The following PEBP4 variants were observed in gnomAD, a reference collection of about 807,000 sequenced individuals.
The protein encoded by PEBP4 is phosphatidylethanolamine binding protein 4, also known as phosphatidylethanolamine-binding protein 4.
In PEBP4, 22 loss-of-function variants were observed where a neutral mutation model predicts 23.9. That is an observed-to-expected ratio of 0.92 (90% CI 0.66 to 1.31). The LOEUF (loss-of-function observed/expected upper bound fraction) is 1.31. Ranked by LOEUF, PEBP4 falls within the 40% of genes most tolerant of loss-of-function variation. The pLI is 0.00. For missense variants in PEBP4, 324 were observed against 281.7 expected (o/e 1.15, Z -1.07); for synonymous variants, 112 against 99.3 (o/e 1.13, Z -0.76).
chr8:22,853,938 T>C (rs1807593057), intron 3 of PEBP4, among the ~76,000 whole-genome samples: 1 of 152,120 alleles, frequency 6.6e-6, no homozygotes, highest in Admixed American at 6.5e-5. Context: ...TGGCCACAGA[T>C]CCTAGTTAGC....
intron 3 of PEBP4, among the ~76,000 whole-genome samples, chr8:22,889,405 C>T (rs182900286): frequency 1.6e-4 from 24 of 152,288 alleles, no homozygotes; most frequent in African/African-American, 2.9e-4. Context: ...GGGAGAGACC[C>T]CAGTCCCCTT....
At chr8:22,725,024 T>C in intron 5 of PEBP4, 68 bp from the exon 6 acceptor site, 1 of 1,353,800 alleles carries the variant, frequency 7.4e-7, no homozygotes, top group Non-Finnish European at 1.1e-6. Flanking sequence ...GCTCTCTGCC[T>C]TCCCATGGTC....
chr8:22,771,839 G>A (rs1034118489), intron 4 of PEBP4, among the ~76,000 whole-genome samples: 2 of 152,318 alleles, frequency 1.3e-5, no homozygotes, highest in African/African-American at 2.4e-5. Context: ...ACTTCTGTAC[G>A]AACTGCCCCT....
chr8:22,733,387 A>G (rs886936519), intron 4 of PEBP4, among the ~76,000 whole-genome samples: 1 of 152,182 alleles, frequency 6.6e-6, no homozygotes, highest in Non-Finnish European at 1.5e-5. Flanking sequence ...GAGGTCTTTC[A>G]TAGACTTGAG....
At chr8:22,873,355 A>T (rs1248658505) in intron 3 of PEBP4, among the ~76,000 whole-genome samples, 2 of 152,204 alleles carry the variant, frequency 1.3e-5, no homozygotes, top group African/African-American at 4.8e-5. Flanking sequence ...CTGGCCAGGC[A>T]CAGTGGCTCA....
At chr8:22,729,051 C>T (rs1804680800) in intron 4 of PEBP4, among the ~76,000 whole-genome samples, 1 of 152,188 alleles carries the variant, frequency 6.6e-6, no homozygotes, top group Admixed American at 6.5e-5. Context: ...CCCCCAACTC[C>T]CCGCATTTTG....
chr8:22,802,095 CAGAT>C (rs2128758940), intron 4 of PEBP4, among the ~76,000 whole-genome samples: 1 of 152,326 alleles, frequency 6.6e-6, no homozygotes, highest in South Asian at 2.1e-4. Flanking sequence ...CCAGCATCTC[CAGAT>C]TCTTCCCAAA....
chr8:22,796,265 T>C, intron 4 of PEBP4, among the ~76,000 whole-genome samples: 1 of 150,154 alleles, frequency 6.7e-6, no homozygotes, highest in Admixed American at 6.6e-5. Flanking sequence ...TGCGTGTGTG[T>C]GTGTGTGTGT....
chr8:22,742,916 A>T lies in PEBP4; in HGVS notation c.358-15696T>A, dbSNP rs567874017. Among the ~76,000 whole-genome samples the T allele has an allele frequency of 4.6e-5, 7 of 152,302 alleles. No homozygotes were observed. In the South Asian group the frequency reaches 1.5e-3, roughly 32 times the overall value. Reference sequence around the variant, plus strand: ...TCTGGCAGGACACAAGAGTCAAGAGATCATTACAGCTGTGATGAACGCTAG... The same window carrying T: ...TCTGGCAGGACACAAGAGTCAAGAGTTCATTACAGCTGTGATGAACGCTAG... On this transcript the variant is annotated intron_variant, in intron 4 of 6. Coordinates refer to ENST00000256404, the MANE Select transcript of PEBP4 (RefSeq NM_144962.3).
chr8:22,862,749 G>A (rs1378008731), intron 3 of PEBP4, among the ~76,000 whole-genome samples: 4 of 151,456 alleles, frequency 2.6e-5, no homozygotes, highest in Non-Finnish European at 5.9e-5. Flanking sequence ...ACAGCTAGTA[G>A]GAGTGGAGGT....
At chr8:22,889,564 A>G (rs1242108546) in intron 3 of PEBP4, among the ~76,000 whole-genome samples, 1 of 152,242 alleles carries the variant, frequency 6.6e-6, no homozygotes, top group Non-Finnish European at 1.5e-5. Context: ...CCCTTAAAGG[A>G]GGTAAAAGGT....
intron 3 of PEBP4, among the ~76,000 whole-genome samples, chr8:22,848,514 C>T (rs1168497626): frequency 6.6e-6 from 1 of 152,098 alleles, no homozygotes; most frequent in Non-Finnish European, 1.5e-5. Context: ...TGTGTGCTCA[C>T]TCCTGTGCAG....
intron 3 of PEBP4, among the ~76,000 whole-genome samples, chr8:22,893,054 C>T (rs1343227815): frequency 1.3e-5 from 2 of 152,166 alleles, no homozygotes; most frequent in South Asian, 4.1e-4. Flanking sequence ...TACAGATCAG[C>T]ATGCGCATGT....
chr8:22,868,652 G>A (rs777744651), intron 3 of PEBP4, among the ~76,000 whole-genome samples: 10 of 152,018 alleles, frequency 6.6e-5, no homozygotes, highest in Non-Finnish European at 1.3e-4. Context: ...TCAACTAATG[G>A]CAACTACGTC....
intron 4 of PEBP4, among the ~76,000 whole-genome samples, chr8:22,808,094 C>T (rs1806541032): frequency 6.6e-6 from 1 of 152,036 alleles, no homozygotes; most frequent in Non-Finnish European, 1.5e-5. Flanking sequence ...CTCTATCCAT[C>T]CATTCATTCA....
At position 22,865,156 on chromosome 8, in the gene PEBP4, G is replaced by A. The variant is rs1397837007; in HGVS notation, c.259-47421C>T. On this transcript the variant is annotated intron_variant, in intron 3 of 6. Transcript: ENST00000256404. The surrounding 1 kb of genome is among the most constrained non-coding windows in gnomAD (Gnocchi z 6.9). ...CGGGGAAGAACCAGTGCTGGACGGG[G>A]CTAGAGGCCCACGTTCTCCTGTGAC... Among the ~76,000 whole-genome samples the A allele has an allele frequency of 2.6e-5, 4 of 151,712 alleles. No homozygotes were observed. Among genetic ancestry groups the A allele is most frequent in the African/African-American group, 7.3e-5 (3 of 41,310 alleles).
At chr8:22,721,876 C>CA (rs1334176727) in intron 6 of PEBP4, among the ~76,000 whole-genome samples, 1 of 152,284 alleles carries the variant, frequency 6.6e-6, no homozygotes, top group East Asian at 1.9e-4. Flanking sequence ...CCAGGTGCTT[C>CA]AGAGAGCACC....
intron 3 of PEBP4, among the ~76,000 whole-genome samples, chr8:22,818,580 G>A (rs1281513791): frequency 6.6e-6 from 1 of 152,128 alleles, no homozygotes; most frequent in Non-Finnish European, 1.5e-5. Flanking sequence ...GATAGGGAGT[G>A]GGGTTTTATT....
chr8:22,918,592 G>A (rs576553290), intron 3 of PEBP4, among the ~76,000 whole-genome samples: 73 of 152,344 alleles, frequency 4.8e-4, no homozygotes, highest in African/African-American at 1.7e-3. Context: ...GATGTCTGCA[G>A]CATCATCAGC....
Sources: allele counts gnomAD v4.1 joint callset (sites outside exome capture counted in the v4.1 genomes callset), GRCh38; gene constraint gnomAD v4.1.1; non-coding constraint Gnocchi (gnomAD v3.1); transcripts MANE v1.5; gene names NCBI Gene and HGNC (gene_info 2026-07-23, HGNC 2026-07-21).